Variants in ARHGAP6 observed in about 807,000 individuals in gnomAD.
The protein encoded by ARHGAP6 is Rho GTPase activating protein 6, also known as rho GTPase-activating protein 6.
Under a neutral mutation model 55.7 loss-of-function variants are expected in ARHGAP6, and 16 were observed. That is an observed-to-expected ratio of 0.29 (90% confidence interval 0.19 to 0.44). ARHGAP6 has a LOEUF of 0.44. ARHGAP6 is among the 20% of genes least tolerant of loss of function. The probability of loss-of-function intolerance (pLI) is 1.00; values close to 1 mark genes in which losing one functional copy is unlikely to be tolerated. For synonymous variants in ARHGAP6, 382 were observed against 360.9 expected (o/e 1.06, Z -0.66); for missense variants, 698 against 808.9 (o/e 0.86, Z 1.66).
At chrX:11,317,791 T>G (rs997573258) in intron 1 of ARHGAP6, among the ~76,000 whole-genome samples, 4 of 111,376 alleles carry the variant, frequency 3.6e-5, no homozygotes, top group African/African-American at 1.3e-4. Context: ...ATTTTTCCAT[T>G]TCATAATTAT....
intron 1 of ARHGAP6, among the ~76,000 whole-genome samples, chrX:11,524,506 T>C (rs1307959358): frequency 1.8e-5 from 2 of 111,941 alleles, no homozygotes; most frequent in Admixed American, 1.9e-4. Flanking sequence ...TAGATTGTTA[T>C]GGATGCAAAA....
chrX:11,648,938 T>A (rs997775494), intron 1 of ARHGAP6, among the ~76,000 whole-genome samples: 2 of 112,234 alleles, frequency 1.8e-5, no homozygotes, highest in Non-Finnish European at 1.9e-5. Flanking sequence ...CCTCATCATA[T>A]GTAAGAAGCA....
At chrX:11,177,850 G>A (rs1323086162) in intron 8 of ARHGAP6, among the ~76,000 whole-genome samples, 1 of 111,623 alleles carries the variant, frequency 9.0e-6, no homozygotes, top group African/African-American at 3.3e-5. Context: ...CTTGAGTAAA[G>A]CCTCACCATG....
chrX:11,443,546 A>C (rs988671122), intron 1 of ARHGAP6, among the ~76,000 whole-genome samples: 14 of 112,127 alleles, frequency 1.2e-4, no homozygotes, highest in South Asian at 3.7e-4. Context: ...GTCCCATATT[A>C]ATGCAATGCT....
intron 1 of ARHGAP6, among the ~76,000 whole-genome samples, chrX:11,533,731 A>T (rs1314611161): frequency 1.8e-5 from 2 of 112,046 alleles, no homozygotes; most frequent in Non-Finnish European, 3.8e-5. Flanking sequence ...TACTGCCCTA[A>T]AAGTCTTTGT....
intron 8 of ARHGAP6, among the ~76,000 whole-genome samples, chrX:11,172,521 T>C (rs2046107331): frequency 9.0e-6 from 1 of 111,561 alleles, no homozygotes; most frequent in African/African-American, 3.3e-5. Flanking sequence ...AAAAAAACAT[T>C]AACAAATGGA....
intron 1 of ARHGAP6, among the ~76,000 whole-genome samples, chrX:11,651,308 G>A (rs1401957604): frequency 9.1e-6 from 1 of 110,226 alleles, no homozygotes; most frequent in African/African-American, 3.3e-5. Flanking sequence ...CCCTCAGGTA[G>A]GCCCCAGTGT....
At chrX:11,631,712 T>C (rs942835604) in intron 1 of ARHGAP6, among the ~76,000 whole-genome samples, 2 of 111,543 alleles carry the variant, frequency 1.8e-5, no homozygotes, top group Admixed American at 1.9e-4. Context: ...TAGGCTTTGA[T>C]AGCCATCCAG....
chrX:11,574,736 CAGG>C (rs2051575631), intron 1 of ARHGAP6, among the ~76,000 whole-genome samples: 1 of 107,395 alleles, frequency 9.3e-6, no homozygotes, highest in East Asian at 2.9e-4. Flanking sequence ...GGCAATTAGG[CAGG>C]AGAAGGAAAT....
At chrX:11,367,898 C>A (rs2049101364) in intron 1 of ARHGAP6, 1 of 504,235 alleles carries the variant, frequency 2.0e-6, no homozygotes, top group Admixed American at 9.0e-5. Flanking sequence ...TTGCCCTCTC[C>A]TTCCTGGTTT....
intron 1 of ARHGAP6, among the ~76,000 whole-genome samples, chrX:11,486,537 A>G (rs1392809204): frequency 2.7e-5 from 3 of 112,326 alleles, no homozygotes; most frequent in Non-Finnish European, 5.6e-5. Context: ...TTATAATGTT[A>G]CATGGTGAGA....
At chrX:11,451,225 C>A (rs1008939008) in intron 1 of ARHGAP6, among the ~76,000 whole-genome samples, 2 of 112,077 alleles carry the variant, frequency 1.8e-5, no homozygotes, top group African/African-American at 6.5e-5. Context: ...CAGGGGCAAA[C>A]ACCAAGATGT....
intron 1 of ARHGAP6, among the ~76,000 whole-genome samples, chrX:11,552,848 T>C (rs1419810860): frequency 1.9e-5 from 2 of 107,472 alleles, no homozygotes; most frequent in Non-Finnish European, 3.8e-5. Context: ...TTGGAAGATG[T>C]TGGTCAAAGG....
intron 1 of ARHGAP6, among the ~76,000 whole-genome samples, chrX:11,503,528 T>C (rs900246404): frequency 2.4e-4 from 27 of 111,912 alleles, no homozygotes; most frequent in African/African-American, 8.1e-4. Flanking sequence ...GAATAAACAC[T>C]ATCAAATGAT....
chrX:11,486,300 AT>A (rs780482401), intron 1 of ARHGAP6, among the ~76,000 whole-genome samples: 2 of 111,970 alleles, frequency 1.8e-5, no homozygotes, highest in East Asian at 2.8e-4. Context: ...AGAGAAAATA[AT>A]TTTTTAGGAG....
In ARHGAP6 at chrX:11,160,571, T is replaced by C. The variant is rs180784378; in HGVS notation, c.1810-3945A>G. Reference sequence around the variant, plus strand: ...GGTGCAAGCATGACAATATTAATTCTTTGAGAGTATGTAGTATGTCTAAGA... The same window carrying C: ...GGTGCAAGCATGACAATATTAATTCCTTGAGAGTATGTAGTATGTCTAAGA... On this transcript the variant is annotated intron_variant, in intron 9 of 12. Coordinates refer to ENST00000337414, the MANE Select transcript of ARHGAP6 (RefSeq NM_013427.3). Among the ~76,000 whole-genome samples, 4 of 112,093 alleles carry C rather than the reference T, an allele frequency of 3.6e-5. No homozygotes were observed. In the East Asian group the frequency reaches 1.1e-3, roughly 31 times the overall value.
rs141344543 is a variant in ARHGAP6, at chrX:11,395,956, T to C, written c.589-141249A>G. Among the ~76,000 whole-genome samples, 66 of 111,192 alleles carry C rather than the reference T, an allele frequency of 5.9e-4. No homozygotes were observed. In the East Asian group the frequency reaches 0.018, roughly 30 times the overall value. ...GATATGGCTTTTAAAAAAATAGTAA[T>C]ATTTGTTTTTAAAAAAGAGAGCATG... On this transcript the variant is annotated intron_variant, in intron 1 of 12. Coordinates refer to ENST00000337414, the MANE Select transcript of ARHGAP6 (RefSeq NM_013427.3).
chrX:11,371,876 T>C (rs1196405062), intron 1 of ARHGAP6, among the ~76,000 whole-genome samples: 1 of 112,398 alleles, frequency 8.9e-6, no homozygotes, highest in Non-Finnish European at 1.9e-5. Context: ...CTACAGGAAA[T>C]GTCTCTGTAA....
intron 1 of ARHGAP6, among the ~76,000 whole-genome samples, chrX:11,372,703 C>T (rs763372867): frequency 1.1e-4 from 10 of 90,774 alleles, no homozygotes; most frequent in Admixed American, 5.7e-4. Context: ...ACCTAGGAGG[C>T]GGAGCTTGCA....
Sources: gnomAD v4.1 joint callset for allele counts (sites outside exome capture counted in the v4.1 genomes callset) on GRCh38, gnomAD v4.1.1 for gene constraint, MANE v1.5 for transcripts, NCBI Gene and HGNC (gene_info 2026-07-23, HGNC 2026-07-21) for gene names.